The following KLF15 variants were observed in gnomAD, a reference collection of about 807,000 sequenced individuals.
KLF15 encodes Krueppel-like factor 15.
A neutral mutation model predicts 24.6 loss-of-function variants in KLF15; 4 were observed. That is an observed-to-expected ratio of 0.16 (90% CI 0.08 to 0.37). KLF15 has a LOEUF of 0.37. KLF15 is among the 10% of genes least tolerant of loss of function. KLF15 has a pLI of 1.00. For synonymous variants in KLF15, 246 were observed against 236.3 expected (o/e 1.04, Z -0.37); for missense variants, 496 against 560.6 (o/e 0.88, Z 1.16).
chr3:126,314,265 C>T, the KLF15 span, among the ~76,000 whole-genome samples: 1 of 152,072 alleles, frequency 6.6e-6, no homozygotes, highest in Non-Finnish European at 1.5e-5. Context: ...GGATATGGGT[C>T]CCCCCTTGAC....
chr3:126,300,489 C>A, the KLF15 span, among the ~76,000 whole-genome samples: 1 of 152,224 alleles, frequency 6.6e-6, no homozygotes, highest in African/African-American at 2.4e-5. Context: ...TAGGTGTGGG[C>A]AGTGACAACT....
the KLF15 span, among the ~76,000 whole-genome samples, chr3:126,296,211 A>G: frequency 6.6e-6 from 1 of 152,034 alleles, no homozygotes. Context: ...GTTATTTTTA[A>G]TGTGTGCTAA....
At chr3:126,317,432 G>A in the KLF15 span, among the ~76,000 whole-genome samples, 2 of 152,146 alleles carry the variant, frequency 1.3e-5, no homozygotes, top group Non-Finnish European at 2.9e-5. Flanking sequence ...CTGGTGATCA[G>A]CAACTTCGCG....
At chr3:126,338,199 G>T (rs1383189427), downstream of KLF15, among the ~76,000 whole-genome samples, 1 of 152,208 alleles carries the variant, frequency 6.6e-6, no homozygotes, top group Non-Finnish European at 1.5e-5. Flanking sequence ...GCTGGGAGAG[G>T]ACAGGGAGGG....
chr3:126,298,161 A>G, the KLF15 span, among the ~76,000 whole-genome samples: 1 of 152,092 alleles, frequency 6.6e-6, no homozygotes, highest in Non-Finnish European at 1.5e-5. Context: ...GTAAGGTGGT[A>G]TCTCATTACG....
At chr3:126,297,448 C>A in the KLF15 span, among the ~76,000 whole-genome samples, 3 of 152,096 alleles carry the variant, frequency 2.0e-5, no homozygotes, top group Non-Finnish European at 4.4e-5. Context: ...GTTTCACAAT[C>A]CAGTATATTC....
At chr3:126,302,709 A>G in the KLF15 span, among the ~76,000 whole-genome samples, 5 of 152,204 alleles carry the variant, frequency 3.3e-5, no homozygotes, top group Non-Finnish European at 7.4e-5. Context: ...GATATATAAT[A>G]GCTACTACAT....
chr3:126,348,989 A>G (rs1479318542), intron 2 of KLF15, among the ~76,000 whole-genome samples: 1 of 152,146 alleles, frequency 6.6e-6, no homozygotes, highest in Non-Finnish European at 1.5e-5. Context: ...TAAATACGCC[A>G]TCTCACCATC....
At chr3:126,313,708 C>A in the KLF15 span, among the ~76,000 whole-genome samples, 8 of 152,198 alleles carry the variant, frequency 5.3e-5, no homozygotes, top group Non-Finnish European at 1.0e-4. Context: ...CACACACAGA[C>A]CTGCCTTGTA....
chr3:126,308,651 G>A, the KLF15 span, among the ~76,000 whole-genome samples: 15 of 152,302 alleles, frequency 9.8e-5, no homozygotes, highest in African/African-American at 2.6e-4. Context: ...GGGCATTTTC[G>A]GTGCAGCGGT....
At chr3:126,347,432 G>A (rs2082543862) in intron 2 of KLF15, among the ~76,000 whole-genome samples, 1 of 152,154 alleles carries the variant, frequency 6.6e-6, no homozygotes, top group South Asian at 2.1e-4. Flanking sequence ...ACCACCTCTT[G>A]GCTCTGACGC....
chr3:126,322,585 T>A, the KLF15 span, among the ~76,000 whole-genome samples: 1 of 152,230 alleles, frequency 6.6e-6, no homozygotes, highest in African/African-American at 2.4e-5. Context: ...AGGAAGTCCC[T>A]GCTGCCTTGT....
At chr3:126,296,431 T>C in the KLF15 span, among the ~76,000 whole-genome samples, 3 of 152,218 alleles carry the variant, frequency 2.0e-5, no homozygotes, top group Non-Finnish European at 4.4e-5. Context: ...ATGGTCTTTA[T>C]CTCCTGACCT....
the KLF15 span, among the ~76,000 whole-genome samples, chr3:126,301,345 C>G: frequency 6.6e-6 from 1 of 152,152 alleles, no homozygotes; most frequent in Non-Finnish European, 1.5e-5. Context: ...TAGAGGCTCT[C>G]CAGATTGGAC....
downstream of KLF15, among the ~76,000 whole-genome samples, chr3:126,339,378 C>T (rs1402194562): frequency 6.6e-6 from 1 of 152,170 alleles, no homozygotes; most frequent in Non-Finnish European, 1.5e-5. Context: ...TCCTGGTGCC[C>T]TCCCACTACA....
downstream of KLF15, among the ~76,000 whole-genome samples, chr3:126,337,912 A>T (rs187000940): frequency 2.2e-3 from 339 of 152,302 alleles, 2 homozygotes; most frequent in African/African-American, 8.0e-3. Flanking sequence ...AGGCGGGAGA[A>T]GGTGCAAAAA....
the KLF15 span, among the ~76,000 whole-genome samples, chr3:126,291,819 G>A: frequency 1.4e-5 from 2 of 147,956 alleles, no homozygotes; most frequent in Non-Finnish European, 2.9e-5. Flanking sequence ...ACCAGGAGAC[G>A]AGGTTTCAAA....
At chr3:126,357,199 G>A (rs1050725967) in intron 1 of KLF15, 38 bp downstream of exon 1, 1 of 149,766 alleles carries the variant, frequency 6.7e-6, no homozygotes, top group African/African-American at 2.4e-5. Flanking sequence ...CCGGGGCCGC[G>A]TCCACGCGGC....
the KLF15 span, chr3:126,291,120 A>C: frequency 2.6e-5 from 4 of 152,248 alleles, no homozygotes; most frequent in African/African-American, 9.6e-5. Context: ...AGGAAGGGGC[A>C]ATGCCCTTGC....
Sources: gnomAD v4.1 joint callset for allele counts (sites outside exome capture counted in the v4.1 genomes callset) on GRCh38, gnomAD v4.1.1 for gene constraint, MANE v1.5 for transcripts, NCBI Gene and HGNC (gene_info 2026-07-23, HGNC 2026-07-21) for gene names.